Variants in PCDHA2 observed in about 807,000 individuals in gnomAD.
The protein encoded by PCDHA2 is protocadherin alpha-2.
Under a neutral mutation model 66.0 loss-of-function variants are expected in PCDHA2, and 58 were observed. The observed-to-expected ratio is 0.88, with a 90% CI of 0.71 to 1.09. The LOEUF (loss-of-function observed/expected upper bound fraction) is 1.09. PCDHA2 is among the 50% of genes least tolerant of loss of function. PCDHA2 has a pLI of 0.00. For synonymous variants in PCDHA2, 634 were observed against 554.0 expected, an observed-to-expected ratio of 1.14 and a Z score of -2.03; for missense variants, 1,267 against 1,242.3, an observed-to-expected ratio of 1.02 and a Z score of -0.30.
chr5:140,862,432 C>T (rs746687465), intron 1 of PCDHA2: 1 of 355,106 alleles, frequency 2.8e-6, no homozygotes, highest in Non-Finnish European at 5.6e-6. Context: ...AGAAACTATT[C>T]GTTGGTACTC....
chr5:140,967,870 G>A (rs782622860), intron 1 of PCDHA2: 31 of 1,614,152 alleles, frequency 1.9e-5, no homozygotes, highest in Non-Finnish European at 2.5e-5. Flanking sequence ...TGGTGCTCAC[G>A]GACCTGTATA....
At chr5:140,844,668 T>A (rs540390945) in intron 1 of PCDHA2, among the ~76,000 whole-genome samples, 1 of 149,604 alleles carries the variant, frequency 6.7e-6, no homozygotes, top group Non-Finnish European at 1.5e-5. Flanking sequence ...AAACATATAA[T>A]TTATAAATCC....
intron 1 of PCDHA2, among the ~76,000 whole-genome samples, chr5:140,923,821 G>A (rs1009668330): frequency 1.3e-5 from 2 of 152,148 alleles, no homozygotes; most frequent in African/African-American, 2.4e-5. Flanking sequence ...GAAAATAGAC[G>A]TCAGTGGCAG....
In PCDHA2 at chr5:140,850,498, C is replaced by G; in HGVS notation, c.2388+53146C>G. The G allele has an allele frequency of 1.3e-6, 2 of 1,598,138 alleles. 1 individual carries two copies. The highest frequency in any genetic ancestry group is 4.5e-5 in the East Asian group (2 of 44,830). ...ACGGCCACGGCCACTGTGCTGGTGT[C>G]GCTGGTGGAGAGCGGCCAGGCGCCA... On this transcript the variant is annotated intron_variant, in intron 1 of 3. Transcript: ENST00000526136.
intron 1 of PCDHA2, among the ~76,000 whole-genome samples, chr5:140,949,473 G>A (rs2094384488): frequency 6.6e-6 from 1 of 151,492 alleles, no homozygotes; most frequent in South Asian, 2.1e-4. Flanking sequence ...CCTGTTATTA[G>A]GCACACACAT....
In PCDHA2 at chr5:140,795,798, G is replaced by A. The variant is rs782795009; in HGVS notation, c.834G>A (p.Val278=). Reference sequence around the variant, plus strand: ...ATGAAGGACCGAACAGCGAGATTGTGTATTCACTCGGTAGTGATGTGTCCT... The same window carrying A: ...ATGAAGGACCGAACAGCGAGATTGTATATTCACTCGGTAGTGATGTGTCCT... ...DADEGPNSEI[V]YSLGSDVSST... Residue 278 remains valine, a synonymous_variant, in exon 1 of 4, where the codon GTG becomes GTA. Transcript: ENST00000526136. 2 of 1,613,580 alleles carry A rather than the reference G, an allele frequency of 1.2e-6. No individual in the cohort carries two copies. Among genetic ancestry groups the A allele is most frequent in the East Asian group, 2.2e-5 (1 of 44,888 alleles).
intron 1 of PCDHA2, chr5:140,805,581 C>T (rs1314512666): frequency 2.1e-6 from 2 of 942,096 alleles, no homozygotes; most frequent in South Asian, 4.9e-5. Context: ...TAAATGGCTA[C>T]CATTATGTCT....
intron 1 of PCDHA2, chr5:140,841,829 T>G: frequency 6.2e-7 from 1 of 1,613,898 alleles, no homozygotes; most frequent in Non-Finnish European, 8.5e-7. Context: ...CGTGTTAACC[T>G]ACAGGCTTAG....
At chr5:140,897,881 C>T (rs1417702752) in intron 1 of PCDHA2, among the ~76,000 whole-genome samples, 1 of 152,194 alleles carries the variant, frequency 6.6e-6, no homozygotes. Context: ...GATTGCCATT[C>T]TAACTGGTGT....
intron 1 of PCDHA2, chr5:140,877,865 T>C (rs1554170196): frequency 1.3e-6 from 2 of 1,496,610 alleles, no homozygotes; most frequent in South Asian, 2.8e-5. Flanking sequence ...TATTTAGATA[T>C]ATTTGTTTCC....
intron 1 of PCDHA2, chr5:140,830,094 C>A (rs1770810347): frequency 1.2e-6 from 2 of 1,613,470 alleles, no homozygotes; most frequent in Non-Finnish European, 8.5e-7. Flanking sequence ...GTTCTGGTGT[C>A]GCTGGTGGAG....
intron 3 of PCDHA2, among the ~76,000 whole-genome samples, chr5:141,003,942 G>C (rs1054043476): frequency 2.0e-5 from 3 of 152,148 alleles, no homozygotes; most frequent in Non-Finnish European, 2.9e-5. Flanking sequence ...TTGCCTGAGG[G>C]TGAGCTAGGA....
intron 1 of PCDHA2, chr5:140,802,565 G>C (rs782819489): frequency 1.2e-6 from 2 of 1,614,162 alleles, no homozygotes; most frequent in Non-Finnish European, 1.7e-6. Flanking sequence ...CGGCATTCTC[G>C]CAGTCCGAGT....
In PCDHA2 at chr5:140,877,367, G is replaced by C. The variant is rs201967192; in HGVS notation, c.2388+80015G>C. On this transcript the variant is annotated intron_variant, in intron 1 of 3. Transcript: ENST00000526136. ...GTGGGGCTGTACACTGGCGAGATCA[G>C]CACGACACGCATCCTGGATGAGGCG... is the stretch of plus-strand genomic sequence containing the variant. 1.0e-4 allele frequency: 167 copies of C among 1,614,018 alleles called. No homozygotes were observed. The highest frequency in any genetic ancestry group is 4.9e-4 in the Middle Eastern group (3 of 6,062).
At chr5:140,848,292 C>T in intron 1 of PCDHA2, 3 of 640,268 alleles carry the variant, frequency 4.7e-6, no homozygotes, top group Non-Finnish European at 8.2e-6. Context: ...ACACTTTGGG[C>T]CACGTGATGT....
At chr5:140,809,095 C>T (rs1554124995) in intron 1 of PCDHA2, 1 of 1,613,984 alleles carries the variant, frequency 6.2e-7, no homozygotes, top group Non-Finnish European at 8.5e-7. Context: ...CAACGCGTGC[C>T]CTGGACGAAA....
At chr5:140,803,073 C>T (rs782642335) in intron 1 of PCDHA2, 2 of 1,613,942 alleles carry the variant, frequency 1.2e-6, no homozygotes, top group Non-Finnish European at 1.7e-6. Context: ...TCGCGTGGGG[C>T]TGTACACGGG....
Position 140,858,496 on chromosome 5 carries a change from C to T in PCDHA2, c.2388+61144C>T, listed in dbSNP as rs1554151697. 7 of 1,479,962 alleles carry T rather than the reference C, an allele frequency of 4.7e-6. 1 individual carries two copies. 91.7% of individuals were successfully genotyped at this position (1,479,962 alleles called of 1,614,324 possible). ...TTATGAATAATATTTTCTCTTACCG[C>T]ATTTTCTCAAATATGTATCAGAATA... is the stretch of plus-strand genomic sequence containing the variant. On this transcript the variant is annotated intron_variant, in intron 1 of 3. Transcript: ENST00000526136.
At chr5:140,801,230 C>T (rs1762661814) in intron 1 of PCDHA2, 2 of 1,612,176 alleles carry the variant, frequency 1.2e-6, no homozygotes, top group Non-Finnish European at 1.7e-6. Context: ...ATCCTGGAGC[C>T]CAGTGCCTGC....
Sources: allele counts gnomAD v4.1 joint callset (sites outside exome capture counted in the v4.1 genomes callset), GRCh38; gene constraint gnomAD v4.1.1; transcripts MANE v1.5; gene names NCBI Gene and HGNC (gene_info 2026-07-23, HGNC 2026-07-21).